Variants in TBC1D5 observed in about 807,000 individuals in gnomAD.
The protein encoded by TBC1D5 is TBC1 domain family, member 5.
Under a neutral mutation model 100.3 loss-of-function variants are expected in TBC1D5, and 75 were observed. That is an observed-to-expected ratio of 0.75 (90% CI 0.62 to 0.91). The LOEUF is 0.91. TBC1D5 is among the 40% of genes least tolerant of loss of function. The pLI, the probability that TBC1D5 is intolerant of heterozygous loss-of-function variation, is 0.00. For missense variants in TBC1D5, 910 were observed against 942.4 expected, an observed-to-expected ratio of 0.97 and a Z score of 0.45; for synonymous variants, 323 against 325.6, an observed-to-expected ratio of 0.99 and a Z score of 0.09.
chr3:17,365,903 A>C (rs959839109), intron 13 of TBC1D5, among the ~76,000 whole-genome samples: 1 of 152,170 alleles, frequency 6.6e-6, no homozygotes, highest in African/African-American at 2.4e-5. Flanking sequence ...GTAACTATTT[A>C]ATCTAAATAA....
At chr3:17,704,031 C>T (rs1329723682) in intron 1 of TBC1D5, among the ~76,000 whole-genome samples, 2 of 141,490 alleles carry the variant, frequency 1.4e-5, no homozygotes, top group Non-Finnish European at 3.1e-5. Context: ...AACAAGTGAA[C>T]AAAGGTCTCT....
chr3:17,266,155 T>TACA (rs2078825315), intron 15 of TBC1D5, among the ~76,000 whole-genome samples: 1 of 152,166 alleles, frequency 6.6e-6, no homozygotes, highest in African/African-American at 2.4e-5. Flanking sequence ...AAATTTGTGG[T>TACA]CTGATATTCA....
intron 15 of TBC1D5, among the ~76,000 whole-genome samples, chr3:17,284,172 CA>C (rs2080920162): frequency 6.6e-6 from 1 of 151,736 alleles, no homozygotes; most frequent in Non-Finnish European, 1.5e-5. Flanking sequence ...GGCTGGAGTG[CA>C]GTGGTGCAAT....
intron 17 of TBC1D5, among the ~76,000 whole-genome samples, chr3:17,223,577 C>T (rs1463287870): frequency 6.6e-6 from 1 of 152,142 alleles, no homozygotes; most frequent in Non-Finnish European, 1.5e-5. Flanking sequence ...AAAGACTACG[C>T]TGGCGGGGTG....
chr3:17,620,519 G>C (rs1215699512), intron 2 of TBC1D5, among the ~76,000 whole-genome samples: 3 of 152,120 alleles, frequency 2.0e-5, no homozygotes, highest in South Asian at 4.1e-4. Flanking sequence ...ATTTCCAAGA[G>C]ATACTGATAC....
intron 15 of TBC1D5, among the ~76,000 whole-genome samples, chr3:17,285,351 C>T (rs1427575161): frequency 6.7e-6 from 1 of 148,272 alleles, no homozygotes; most frequent in Non-Finnish European, 1.5e-5. Flanking sequence ...AGCTCCGCCT[C>T]CCGGGTTCAC....
chr3:17,530,836 AAAT>A (rs1356581829), intron 2 of TBC1D5, among the ~76,000 whole-genome samples: 1 of 152,222 alleles, frequency 6.6e-6, no homozygotes, highest in African/African-American at 2.4e-5. Context: ...ACGTATCTCA[AAAT>A]AATAAGAGCT....
intron 3 of TBC1D5, among the ~76,000 whole-genome samples, chr3:17,442,620 T>G (rs1333838567): frequency 6.6e-6 from 1 of 152,208 alleles, no homozygotes; most frequent in Non-Finnish European, 1.5e-5. Context: ...CACCTGTACA[T>G]GCTCAAAATA....
At chr3:17,628,066 T>C (rs1342354394) in intron 1 of TBC1D5, among the ~76,000 whole-genome samples, 4 of 152,120 alleles carry the variant, frequency 2.6e-5, no homozygotes, top group African/African-American at 9.7e-5. Context: ...ATTGTACCTA[T>C]TTTTAAAAAT....
intron 17 of TBC1D5, among the ~76,000 whole-genome samples, chr3:17,232,187 G>GA (rs34040249): frequency 5.9e-5 from 9 of 152,176 alleles, no homozygotes; most frequent in Admixed American, 2.6e-4. Context: ...TGGTTTGTAG[G>GA]AAAAAAACTG....
chr3:17,221,912 A>G (rs1011702823), intron 17 of TBC1D5, among the ~76,000 whole-genome samples: 1 of 152,218 alleles, frequency 6.6e-6, no homozygotes, highest in Non-Finnish European at 1.5e-5. Flanking sequence ...TTTTCAACTT[A>G]TAAAGTTGTA....
chr3:17,192,757 G>C (rs1395889224), intron 18 of TBC1D5, among the ~76,000 whole-genome samples: 1 of 152,236 alleles, frequency 6.6e-6, no homozygotes, highest in East Asian at 1.9e-4. Context: ...AAATAAAGCA[G>C]CTTTTGTATG....
chr3:17,339,137 C>A (rs188260342), intron 13 of TBC1D5, among the ~76,000 whole-genome samples: 2 of 152,286 alleles, frequency 1.3e-5, no homozygotes, highest in Admixed American at 1.3e-4. Flanking sequence ...GTCTGCAAAA[C>A]GTGTGGTAAA....
chr3:17,698,014 A>C (rs968615587), intron 1 of TBC1D5, among the ~76,000 whole-genome samples: 1 of 151,914 alleles, frequency 6.6e-6, no homozygotes, highest in Non-Finnish European at 1.5e-5. Flanking sequence ...GCTACCAATG[A>C]CTTTCTTCAC....
Position 17,289,200 on chromosome 3 carries a change from A to G in TBC1D5, c.1245+2695T>C, listed in dbSNP as rs116676981. Among the ~76,000 whole-genome samples, 1,153 of 152,166 alleles carry G rather than the reference A, an allele frequency of 7.6e-3. 16 individuals carry two copies. Among genetic ancestry groups the G allele is most frequent in the African/African-American group, 0.027 (1,107 of 41,512 alleles). On this transcript the variant is annotated intron_variant, in intron 15 of 21. Coordinates refer to ENST00000253692, the Ensembl canonical transcript of TBC1D5. ...CTCAGAACAGCTGGCCAGACCCTGC[A>G]CTCGCTTGCCCATGCACCCCCTCCC... is the stretch of plus-strand genomic sequence containing the variant.
chr3:17,597,796 C>A (rs920199492), intron 2 of TBC1D5, among the ~76,000 whole-genome samples: 3 of 152,158 alleles, frequency 2.0e-5, no homozygotes, highest in Admixed American at 6.5e-5. Flanking sequence ...TCCCACACTA[C>A]CCTAAGCTCC....
At chr3:17,228,691 CTT>C (rs34658453) in intron 17 of TBC1D5, among the ~76,000 whole-genome samples, 5 of 143,862 alleles carry the variant, frequency 3.5e-5, no homozygotes, top group South Asian at 2.2e-4. Context: ...GAGAAGTTAT[CTT>C]TTTTTTTTTT....
At chr3:17,215,367 A>G (rs1373116372) in intron 17 of TBC1D5, among the ~76,000 whole-genome samples, 1 of 152,170 alleles carries the variant, frequency 6.6e-6, no homozygotes, top group Non-Finnish European at 1.5e-5. Context: ...CATTATGAGT[A>G]TGAGAGAAAG....
chr3:17,591,233 C>CAAAAAAAAAAAAAAAAAAA lies in TBC1D5; in HGVS notation c.-36+32597_-36+32615dup, dbSNP rs60889092. Among the ~76,000 whole-genome samples the CAAAAAAAAAAAAAAAAAAA allele has an allele frequency of 1.2e-3, 23 of 18,662 alleles. 2 individuals are homozygous for CAAAAAAAAAAAAAAAAAAA. Among genetic ancestry groups the CAAAAAAAAAAAAAAAAAAA allele is most frequent in the Non-Finnish European group, 1.8e-3 (13 of 7,130 alleles). 12.2% of individuals were successfully genotyped at this position (18,662 alleles called of 152,430 possible). On this transcript the variant is annotated intron_variant, in intron 2 of 21. Transcript: ENST00000253692. ...ACTGGGCTACAAAGAAAGGATCTGT[C>CAAAAAAAAAAAAAAAAAAA]AAAAAAAAAAAAAAAAAAAAAAAAA...
Sources: gnomAD v4.1 joint callset for allele counts (sites outside exome capture counted in the v4.1 genomes callset) on GRCh38, gnomAD v4.1.1 for gene constraint, MANE v1.5 for transcripts, NCBI Gene and HGNC (gene_info 2026-07-23, HGNC 2026-07-21) for gene names.